The following LRRC37A variants were observed in gnomAD, a reference collection of about 807,000 sequenced individuals.
LRRC37A encodes the protein leucine-rich repeat-containing protein 37A.
Under a neutral mutation model 35.4 loss-of-function variants are expected in LRRC37A, and 3 were observed. That is an observed-to-expected ratio of 0.08 (90% CI 0.04 to 0.22). The LOEUF is 0.22. LRRC37A is among the 10% of genes least tolerant of loss of function. The pLI is 1.00. For missense variants in LRRC37A, 67 were observed against 565.3 expected, an observed-to-expected ratio of 0.12 and a Z score of 8.94; for synonymous variants, 23 against 215.0, an observed-to-expected ratio of 0.11 and a Z score of 7.81.
At chr17:46,259,044 T>C in the LRRC37A span, among the ~76,000 whole-genome samples, 2 of 131,108 alleles carry the variant, frequency 1.5e-5, no homozygotes, top group Non-Finnish European at 3.1e-5. Context: ...TTTTTTTTTT[T>C]TTTTTTTTTA....
chr17:46,290,850 G>A (rs2732599), upstream of LRRC37A, among the ~76,000 whole-genome samples: 18,783 of 150,282 alleles, frequency 0.12, 1 homozygote, highest in Non-Finnish European at 0.19. Context: ...GATTCCCCAC[G>A]CCAAAATTTC....
At chr17:46,286,277 T>TA in the LRRC37A span, among the ~76,000 whole-genome samples, 2 of 152,206 alleles carry the variant, frequency 1.3e-5, no homozygotes, top group African/African-American at 4.8e-5. Context: ...GAACAAGCAG[T>TA]AAAAAAATTT....
At position 46,306,053 on chromosome 17, in the gene LRRC37A, C is replaced by T. The variant is rs1242693785; in HGVS notation, c.2826-176C>T. 9.8e-5 allele frequency among the ~76,000 whole-genome samples: 8 copies of T among 81,440 alleles called. 1 individual carries two copies. The highest frequency in any genetic ancestry group is 1.6e-4 in the African/African-American group (5 of 31,888). 53.4% of individuals were successfully genotyped at this position (81,440 alleles called of 152,430 possible). On this transcript the variant is annotated intron_variant, in intron 4 of 13. Coordinates refer to ENST00000320254, the Ensembl canonical transcript of LRRC37A. Reference sequence around the variant, plus strand: ...ATTCACTGTTTTGTATCTAATGCACCACGTGTGCAGTGTTAAAGTATAAAT... The same window carrying T: ...ATTCACTGTTTTGTATCTAATGCACTACGTGTGCAGTGTTAAAGTATAAAT...
At chr17:46,275,474 C>T in the LRRC37A span, 3 of 733,084 alleles carry the variant, frequency 4.1e-6, no homozygotes, top group African/African-American at 1.9e-5. Context: ...GAAAATGATG[C>T]TTTATGCGGA....
the LRRC37A span, chr17:46,267,434 AC>A: frequency 1.2e-6 from 2 of 1,611,628 alleles, no homozygotes; most frequent in Admixed American, 3.3e-5. Flanking sequence ...TACCTCACTC[AC>A]CCCCGACGTC....
chr17:46,327,936 C>T (rs1307576226), intron 7 of LRRC37A, among the ~76,000 whole-genome samples: 1 of 62,214 alleles, frequency 1.6e-5, no homozygotes, highest in African/African-American at 3.6e-5. Flanking sequence ...CCAATGCAGT[C>T]TTTGTTATTT....
the LRRC37A span, among the ~76,000 whole-genome samples, chr17:46,276,790 C>CTTTTCT: frequency 2.7e-4 from 36 of 134,246 alleles, no homozygotes; most frequent in Non-Finnish European, 3.2e-4. Context: ...TTCTTTTTTT[C>CTTTTCT]TTTTTTTTTT....
the LRRC37A span, among the ~76,000 whole-genome samples, chr17:46,255,803 A>G: frequency 2.0e-5 from 3 of 151,200 alleles, no homozygotes; most frequent in African/African-American, 7.3e-5. Flanking sequence ...AGCCTCCCGA[A>G]TAGCTGGGAC....
the LRRC37A span, among the ~76,000 whole-genome samples, chr17:46,282,998 A>G: frequency 2.0e-5 from 3 of 152,128 alleles, no homozygotes; most frequent in Non-Finnish European, 4.4e-5. Context: ...ACGTGCCTGT[A>G]GTCCCAACTA....
At chr17:46,282,676 C>CT in the LRRC37A span, among the ~76,000 whole-genome samples, 1 of 152,114 alleles carries the variant, frequency 6.6e-6, no homozygotes, top group Non-Finnish European at 1.5e-5. Context: ...CCCCACTCGG[C>CT]TTCCCAAAGT....
At chr17:46,317,107 G>T (rs1431696031) in intron 5 of LRRC37A, among the ~76,000 whole-genome samples, 2 of 86,694 alleles carry the variant, frequency 2.3e-5, no homozygotes, top group African/African-American at 6.0e-5. Flanking sequence ...ATCATGGCCC[G>T]TTCTCAATGA....
rs2143946550 is a variant in LRRC37A at position 46,323,513 on chromosome 17, C to A, written c.3053+486C>A. ...CCAGGTTCAAGTGGTTCTCCTGCCT[C>A]AGCCTTCCGAGTAGCTGGGATTACA... On this transcript the variant is annotated intron_variant, in intron 7 of 13. Transcript: ENST00000320254. Among the ~76,000 whole-genome samples the A allele has an allele frequency of 2.1e-5, 2 of 93,342 alleles. 1 individual carries two copies. The highest frequency in any genetic ancestry group is 1.2e-3 in the South Asian group (2 of 1,706). 61.2% of individuals were successfully genotyped at this position (93,342 alleles called of 152,430 possible). A position where few individuals can be genotyped will look rare whatever the true frequency, so the allele number is the denominator to read the frequency against.
At position 46,314,775 on chromosome 17, in the gene LRRC37A, A is replaced by G. The variant is rs1365796702; in HGVS notation, c.2907-7547A>G. 3.7e-5 allele frequency among the ~76,000 whole-genome samples: 3 copies of G among 81,852 alleles called. 1 individual carries two copies. The highest frequency in any genetic ancestry group is 9.4e-5 in the African/African-American group (3 of 32,068). The allele number at this position is 81,852 out of a possible 152,430, so 53.7% of individuals were successfully genotyped here. A position where few individuals can be genotyped will look rare whatever the true frequency, so the allele number is the denominator to read the frequency against. ...TTTTGTCAAGCATTTTTCCATCTACATTCGTAAGAAATACTGGTCTGTAAT... is the reference window on the plus strand; with the variant it reads ...TTTTGTCAAGCATTTTTCCATCTACGTTCGTAAGAAATACTGGTCTGTAAT... On this transcript the variant is annotated intron_variant, in intron 5 of 13. Coordinates refer to ENST00000320254, the Ensembl canonical transcript of LRRC37A.
the LRRC37A span, chr17:46,267,152 G>T: frequency 1.8e-6 from 1 of 548,126 alleles, no homozygotes; most frequent in South Asian, 2.4e-5. Context: ...GCGCGAAATC[G>T]GTGAGCCCGG....
At chr17:46,273,068 T>C in the LRRC37A span, among the ~76,000 whole-genome samples, 31 of 152,352 alleles carry the variant, frequency 2.0e-4, no homozygotes, top group African/African-American at 6.5e-4. Flanking sequence ...GTTGAAAACA[T>C]AGCAATCTAT....
the LRRC37A span, among the ~76,000 whole-genome samples, chr17:46,262,052 C>A: frequency 6.6e-6 from 1 of 152,154 alleles, no homozygotes; most frequent in Admixed American, 6.5e-5. Context: ...CGAGTTTAAG[C>A]AATTCTCCTG....
intron 11 of LRRC37A, among the ~76,000 whole-genome samples, chr17:46,336,163 G>A (rs1375809374): frequency 4.4e-5 from 1 of 22,504 alleles, no homozygotes; most frequent in African/African-American, 5.3e-5. Context: ...CCTCTTAAGT[G>A]GCAGGAAACA....
At chr17:46,281,557 G>A in the LRRC37A span, among the ~76,000 whole-genome samples, 1 of 152,162 alleles carries the variant, frequency 6.6e-6, no homozygotes, top group African/African-American at 2.4e-5. Flanking sequence ...AGCCTCCTGA[G>A]TAGCTAGGAC....
At chr17:46,257,141 T>C in the LRRC37A span, among the ~76,000 whole-genome samples, 9 of 152,184 alleles carry the variant, frequency 5.9e-5, no homozygotes, top group African/African-American at 1.9e-4. Flanking sequence ...CTCGTACTTA[T>C]GTTGTTATAA....
Sources: gnomAD v4.1 joint callset for allele counts (sites outside exome capture counted in the v4.1 genomes callset) on GRCh38, gnomAD v4.1.1 for gene constraint, MANE v1.5 for transcripts, NCBI Gene and HGNC (gene_info 2026-07-23, HGNC 2026-07-21) for gene names.